ASIC2: variants seen among roughly 807,000 people sequenced by gnomAD.
ASIC2 encodes the protein acid sensing ion channel subunit 2.
A neutral mutation model predicts 57.3 loss-of-function variants in ASIC2; 25 were observed. That is an observed-to-expected ratio of 0.44 (90% CI 0.32 to 0.61). The LOEUF (loss-of-function observed/expected upper bound fraction) is 0.61. Among genes scored for constraint, ASIC2 ranks in the 20% least tolerant of loss-of-function variants. The pLI is 0.06. For missense variants in ASIC2, 641 were observed against 738.1 expected (o/e 0.87, Z 1.52); for synonymous variants, 319 against 307.5 (o/e 1.04, Z -0.39).
At chr17:33,805,811 C>T (rs1912252050) in intron 1 of ASIC2, among the ~76,000 whole-genome samples, 1 of 152,142 alleles carries the variant, frequency 6.6e-6, no homozygotes, top group Non-Finnish European at 1.5e-5. Context: ...CTTATTTGCC[C>T]ACCAAAGCCA....
chr17:33,063,562 T>C (rs1259168905), intron 3 of ASIC2, among the ~76,000 whole-genome samples: 1 of 152,246 alleles, frequency 6.6e-6, no homozygotes, highest in Non-Finnish European at 1.5e-5. Context: ...CCTTTGTGGG[T>C]AACCCAACCT....
chr17:33,590,621 T>A (rs1041954886), intron 1 of ASIC2, among the ~76,000 whole-genome samples: 1 of 150,472 alleles, frequency 6.6e-6, no homozygotes, highest in South Asian at 2.1e-4. Context: ...CACACCCCAG[T>A]CTCTACACTA....
intron 1 of ASIC2, among the ~76,000 whole-genome samples, chr17:33,977,119 T>C (rs573091405): frequency 1.3e-5 from 2 of 152,074 alleles, no homozygotes; most frequent in South Asian, 4.2e-4. Context: ...ATGGCAGCAT[T>C]AGGCACACTT....
intron 1 of ASIC2, among the ~76,000 whole-genome samples, chr17:33,934,848 C>G (rs866390671): frequency 2.6e-5 from 4 of 152,218 alleles, no homozygotes; most frequent in Non-Finnish European, 5.9e-5. Flanking sequence ...CTGTCCCTCC[C>G]CCTCAAGCTT....
At chr17:33,014,447 G>T (rs1282904561) in intron 9 of ASIC2, among the ~76,000 whole-genome samples, 2 of 151,982 alleles carry the variant, frequency 1.3e-5, no homozygotes, top group Non-Finnish European at 2.9e-5. Flanking sequence ...TGCAGCCCAT[G>T]GCTAAGCCTG....
chr17:33,785,947 G>C (rs979244823), intron 1 of ASIC2, among the ~76,000 whole-genome samples: 1 of 152,160 alleles, frequency 6.6e-6, no homozygotes, highest in Non-Finnish European at 1.5e-5. Context: ...GACCAGCACA[G>C]GTTTACTGCT....
At chr17:33,238,630 G>A (rs1319275973) in intron 1 of ASIC2, among the ~76,000 whole-genome samples, 1 of 152,246 alleles carries the variant, frequency 6.6e-6, no homozygotes, top group East Asian at 1.9e-4. Flanking sequence ...GAACACACCG[G>A]GCCCACTCCT....
intron 1 of ASIC2, chr17:33,635,143 C>T (rs953459390): frequency 3.4e-4 from 52 of 151,660 alleles, no homozygotes; most frequent in African/African-American, 1.2e-3. Context: ...CTAAATCAAA[C>T]GAGTACATGG....
intron 1 of ASIC2, among the ~76,000 whole-genome samples, chr17:33,756,143 C>A (rs1910597799): frequency 6.6e-6 from 1 of 152,208 alleles, no homozygotes; most frequent in Admixed American, 6.5e-5. Flanking sequence ...TCAAATGGAC[C>A]AACAGGATAA....
intron 1 of ASIC2, among the ~76,000 whole-genome samples, chr17:33,123,489 T>C (rs187000384): frequency 9.8e-4 from 148 of 151,280 alleles, no homozygotes; most frequent in Non-Finnish European, 1.8e-3. Context: ...CATTAAAAGC[T>C]TTTTTTTTAA....
intron 1 of ASIC2, among the ~76,000 whole-genome samples, chr17:33,284,155 G>T (rs1230887369): frequency 6.6e-6 from 1 of 152,168 alleles, no homozygotes; most frequent in South Asian, 2.1e-4. Context: ...GGTGTCAGGG[G>T]AGATATTTGA....
At chr17:33,971,396 A>T (rs1905225726) in intron 1 of ASIC2, among the ~76,000 whole-genome samples, 1 of 152,212 alleles carries the variant, frequency 6.6e-6, no homozygotes, top group Admixed American at 6.5e-5. Context: ...CGGCAAGTCT[A>T]AAGGCAACCA....
intron 1 of ASIC2, among the ~76,000 whole-genome samples, chr17:33,745,870 A>G (rs1229527180): frequency 6.6e-6 from 1 of 152,178 alleles, no homozygotes; most frequent in Non-Finnish European, 1.5e-5. Context: ...CAAAGAGCAC[A>G]AGCAAAGGTA....
intron 1 of ASIC2, among the ~76,000 whole-genome samples, chr17:34,085,535 G>T (rs1395892211): frequency 6.6e-6 from 1 of 152,174 alleles, no homozygotes; most frequent in East Asian, 1.9e-4. Context: ...TTTGGTATCA[G>T]GATGATGCTG....
At chr17:33,614,141 A>G (rs562260267) in intron 1 of ASIC2, among the ~76,000 whole-genome samples, 3 of 152,322 alleles carry the variant, frequency 2.0e-5, no homozygotes, top group South Asian at 4.1e-4. Flanking sequence ...TAGTTGAAAA[A>G]TGGCATATTA....
chr17:33,727,391 A>AT (rs1328621534), intron 1 of ASIC2, among the ~76,000 whole-genome samples: 2 of 152,254 alleles, frequency 1.3e-5, no homozygotes, highest in African/African-American at 4.8e-5. Flanking sequence ...AAATGGTCCG[A>AT]TTTTTTTAAA....
intron 1 of ASIC2, chr17:34,155,894 G>A: frequency 6.8e-7 from 1 of 1,476,762 alleles, no homozygotes; most frequent in Non-Finnish European, 9.1e-7. Flanking sequence ...CAAAGCACAA[G>A]GAAACCCCAA....
rs115173919 is a variant in ASIC2, at chr17:33,231,505, G to A, written c.708+59903C>T. On this transcript the variant is annotated intron_variant, in intron 1 of 9. Coordinates refer to ENST00000225823, the MANE Select transcript of ASIC2 (RefSeq NM_183377.2). ...TGTCTGGTTGCCCCTAGCTTGTGACGGCTTTCTCTCCTCATGGCTGGACCC... is the reference window on the plus strand; with the variant it reads ...TGTCTGGTTGCCCCTAGCTTGTGACAGCTTTCTCTCCTCATGGCTGGACCC... Among the ~76,000 whole-genome samples, 527 of 152,210 alleles carry A rather than the reference G, an allele frequency of 3.5e-3. 4 individuals carry two copies. The highest frequency in any genetic ancestry group is 0.012 in the African/African-American group (489 of 41,540).
chr17:33,889,320 T>A (rs1914905926), intron 1 of ASIC2, among the ~76,000 whole-genome samples: 1 of 152,124 alleles, frequency 6.6e-6, no homozygotes, highest in African/African-American at 2.4e-5. Context: ...AACTCAAAAC[T>A]AAGAGGCATT....
Sources: allele counts gnomAD v4.1 joint callset (sites outside exome capture counted in the v4.1 genomes callset), GRCh38; gene constraint gnomAD v4.1.1; transcripts MANE v1.5; gene names NCBI Gene and HGNC (gene_info 2026-07-23, HGNC 2026-07-21).